Variants in MAP7D2 observed in about 807,000 individuals in gnomAD.
The protein encoded by MAP7D2 is MAP7 domain containing 2, also known as MAP7 domain-containing protein 2.
Under a neutral mutation model 63.5 loss-of-function variants are expected in MAP7D2, and 33 were observed. That is an observed-to-expected ratio of 0.52 (90% CI 0.39 to 0.70). The LOEUF is 0.70. MAP7D2 is among the 30% of genes least tolerant of loss of function. MAP7D2 has a pLI of 0.00. For missense variants in MAP7D2, 626 were observed against 604.0 expected, an observed-to-expected ratio of 1.04 and a Z score of -0.38; for synonymous variants, 224 against 223.7, an observed-to-expected ratio of 1.00 and a Z score of -0.01.
At chrX:20,099,938 T>C (rs2066382737) in intron 1 of MAP7D2, among the ~76,000 whole-genome samples, 1 of 111,772 alleles carries the variant, frequency 8.9e-6, no homozygotes, top group South Asian at 3.8e-4. Context: ...GTGCAGAAGG[T>C]GGAAGCCAGG....
At chrX:20,038,035 C>T (rs867203136) in intron 8 of MAP7D2, among the ~76,000 whole-genome samples, 35 of 111,549 alleles carry the variant, frequency 3.1e-4, no homozygotes, top group African/African-American at 8.8e-4. Context: ...GACCTAGCTA[C>T]GGCCACTGCT....
chrX:20,031,291 AAAAATAAAAT>A lies in MAP7D2; in HGVS notation c.1008-5349_1008-5340del, dbSNP rs55901756. ...AGTGACAGAGGGAGTCACCATCTCG[AAAAATAAAAT>A]AAAATAAAATAAAATAAAATAAAAT... On this transcript the variant is annotated intron_variant, in intron 8 of 16. Coordinates refer to ENST00000379643, the MANE Select transcript of MAP7D2 (RefSeq NM_001168465.2). Among the ~76,000 whole-genome samples the A allele has an allele frequency of 9.3e-3, 791 of 85,297 alleles. 8 individuals carry two copies. Among genetic ancestry groups the A allele is most frequent in the African/African-American group, 0.028 (708 of 25,067 alleles). 74.1% of individuals were successfully genotyped at this position (85,297 alleles called of 115,157 possible). A position where few individuals can be genotyped will look rare whatever the true frequency, so the allele number is the denominator to read the frequency against.
chrX:20,026,438 A>AGC (rs2073847200), intron 8 of MAP7D2, among the ~76,000 whole-genome samples: 1 of 110,739 alleles, frequency 9.0e-6, no homozygotes, highest in Non-Finnish European at 1.9e-5. Flanking sequence ...CCTGGCAATC[A>AGC]CCCTTCTACT....
intron 1 of MAP7D2, among the ~76,000 whole-genome samples, chrX:20,101,456 G>A (rs1009688483): frequency 5.4e-5 from 6 of 112,063 alleles, no homozygotes; most frequent in Admixed American, 3.8e-4. Context: ...ATTTTATCTC[G>A]CAGAATGGAA....
chrX:20,109,556 C>T (rs1023288362), intron 1 of MAP7D2, among the ~76,000 whole-genome samples: 17 of 107,977 alleles, frequency 1.6e-4, no homozygotes, highest in Non-Finnish European at 3.1e-4. Context: ...TTCTCAGCTC[C>T]GAAGTCAAAC....
rs747967067 is a variant in MAP7D2 at position 20,025,823 on chromosome X, C to A, written c.1137G>T (p.Lys379Asn). Residue 379 changes from lysine (K) to asparagine (N), a missense_variant, in exon 9 of 17, where the codon AAG (lysine) becomes AAT (asparagine). Transcript: ENST00000379643. ...AGGTACCTTCCCTTTCCTTGTTGCT[C>A]TTCTCTTTCTCCGCTTTCCTCTTGG... ...DMPKRKAEKE[K>N]SNKEREGTLA... 40 of 1,211,861 alleles carry A rather than the reference C, an allele frequency of 3.3e-5. No homozygotes were observed. The highest frequency in any genetic ancestry group is 4.2e-5 in the Non-Finnish European group (38 of 895,594).
intron 4 of MAP7D2, 146 bp from the exon 5 acceptor site, chrX:20,053,134 T>A (rs759326345): frequency 1.3e-4 from 58 of 457,657 alleles, no homozygotes; most frequent in Non-Finnish European, 2.1e-4. Context: ...CATCCTGGCA[T>A]CTCATTATCC....
At chrX:20,031,147 G>C (rs1384598333) in intron 8 of MAP7D2, among the ~76,000 whole-genome samples, 1 of 109,797 alleles carries the variant, frequency 9.1e-6, no homozygotes, top group South Asian at 3.9e-4. Context: ...AAAATTAGCC[G>C]GGTGTGGTGG....
At chrX:20,032,771 T>C (rs1289632477) in intron 8 of MAP7D2, among the ~76,000 whole-genome samples, 1 of 111,974 alleles carries the variant, frequency 8.9e-6, no homozygotes, top group East Asian at 2.8e-4. Flanking sequence ...TCCCATTGAA[T>C]CTAGGTTGGC....
chrX:20,034,912 G>C (rs186274483), intron 8 of MAP7D2, among the ~76,000 whole-genome samples: 28 of 111,352 alleles, frequency 2.5e-4, no homozygotes, highest in Non-Finnish European at 2.1e-4. Flanking sequence ...CTAACACCAA[G>C]CAATGAGGCA....
At chrX:20,066,679 C>A (rs1023237710) in intron 1 of MAP7D2, among the ~76,000 whole-genome samples, 1 of 111,737 alleles carries the variant, frequency 8.9e-6, no homozygotes, top group Non-Finnish European at 1.9e-5. Context: ...CCCTTTCTCC[C>A]ATGCACCTTC....
chrX:20,047,648 CAAA>C (rs113884587), intron 6 of MAP7D2, among the ~76,000 whole-genome samples: 2 of 59,482 alleles, frequency 3.4e-5, no homozygotes, highest in Non-Finnish European at 3.4e-5. Context: ...CCTATCTCTA[CAAA>C]AAAAAAAAAA....
chrX:20,062,085 G>C (rs1430478135), intron 3 of MAP7D2, among the ~76,000 whole-genome samples: 1 of 112,625 alleles, frequency 8.9e-6, no homozygotes, highest in East Asian at 2.8e-4. Context: ...GCACCCTCTT[G>C]ACCTTGCTTT....
At chrX:20,100,111 G>T (rs2066388143) in intron 1 of MAP7D2, among the ~76,000 whole-genome samples, 1 of 112,080 alleles carries the variant, frequency 8.9e-6, no homozygotes, top group African/African-American at 3.2e-5. Flanking sequence ...CGCATCCAAG[G>T]ACCTTTTATT....
At chrX:20,055,536 T>A (rs1468023969) in intron 4 of MAP7D2, among the ~76,000 whole-genome samples, 1 of 111,677 alleles carries the variant, frequency 9.0e-6, no homozygotes, top group African/African-American at 3.3e-5. Flanking sequence ...GGCACTAAGA[T>A]GTAAGGCATG....
chrX:20,106,371 T>C (rs1379791948), intron 1 of MAP7D2, among the ~76,000 whole-genome samples: 3 of 112,204 alleles, frequency 2.7e-5, no homozygotes, highest in Non-Finnish European at 5.6e-5. Flanking sequence ...AATCCGGGCC[T>C]GCTTTGCCTG....
At chrX:20,022,750 T>G (rs965581384) in intron 10 of MAP7D2, among the ~76,000 whole-genome samples, 3 of 112,081 alleles carry the variant, frequency 2.7e-5, no homozygotes, top group Non-Finnish European at 5.6e-5. Flanking sequence ...AGTTCTGCTT[T>G]GGAAATGCTG....
intron 1 of MAP7D2, among the ~76,000 whole-genome samples, chrX:20,085,857 A>G (rs915539370): frequency 1.8e-5 from 2 of 111,412 alleles, no homozygotes; most frequent in African/African-American, 6.5e-5. Context: ...GATTACAGGC[A>G]TCCGCCAACA....
intron 6 of MAP7D2, 115 bp from the exon 7 acceptor site, chrX:20,044,639 T>C: frequency 1.5e-6 from 1 of 653,057 alleles, no homozygotes; most frequent in Non-Finnish European, 2.4e-6. Flanking sequence ...ATCAATATCA[T>C]ACTTTTCTAT....
Sources: gnomAD v4.1 joint callset for allele counts (sites outside exome capture counted in the v4.1 genomes callset) on GRCh38, gnomAD v4.1.1 for gene constraint, MANE v1.5 for transcripts, NCBI Gene and HGNC (gene_info 2026-07-23, HGNC 2026-07-21) for gene names.